The following HMGB1 variants were observed in gnomAD, a reference collection of about 807,000 sequenced individuals.
The protein encoded by HMGB1 is high mobility group box 1.
For synonymous variants in HMGB1, 81 were observed against 84.0 expected (o/e 0.96, Z 0.19); for missense variants, 79 against 253.5 (o/e 0.31, Z 4.67).
At chr13:30,469,124 C>CTA (rs1464469422), upstream of HMGB1, among the ~76,000 whole-genome samples, 46 of 152,220 alleles carry the variant, frequency 3.0e-4, no homozygotes, top group African/African-American at 1.0e-3. Flanking sequence ...CTCCTGACCT[C>CTA]AAGTGATCTG....
In HMGB1 at chr13:30,490,621, G is replaced by GAA. The variant is rs35989221; in HGVS notation, c.-14-26929_-14-26928dup. Among the ~76,000 whole-genome samples the GAA allele has an allele frequency of 3.9e-3, 528 of 135,046 alleles. 1 individual carries two copies. The highest frequency in any genetic ancestry group is 0.013 in the East Asian group (61 of 4,802). The allele number at this position is 135,046 out of a possible 152,430, so 88.6% of individuals were successfully genotyped here. A position where few individuals can be genotyped will look rare whatever the true frequency, so the allele number is the denominator to read the frequency against. ...GCAACAGAGTGAGACTGTCTGAACAGAAAAAAAAAAAAAAAAATTAGGAAT... is the reference window on the plus strand; with the variant it reads ...GCAACAGAGTGAGACTGTCTGAACAGAAAAAAAAAAAAAAAAAAATTAGGAAT... On this transcript the variant is annotated intron_variant, in intron 1 of 4. Coordinates refer to the HMGB1 transcript ENST00000405805.
In HMGB1 at chr13:30,481,249, A is replaced by AT. The variant is rs572437259; in HGVS notation, c.-14-17556dup. Among the ~76,000 whole-genome samples, 884 of 143,390 alleles carry AT rather than the reference A, an allele frequency of 6.2e-3. 3 individuals are homozygous for AT. Among genetic ancestry groups the AT allele is most frequent in the South Asian group, 0.022 (94 of 4,194 alleles). 94.1% of individuals were successfully genotyped at this position (143,390 alleles called of 152,430 possible). On this transcript the variant is annotated intron_variant, in intron 1 of 4. Coordinates refer to the HMGB1 transcript ENST00000405805. ...TGAACTTTCGATCTTTTTCAGAGGG[A>AT]TTTTTTGATGGAGAAAAAAAAAACA...
intron 1 of HMGB1, among the ~76,000 whole-genome samples, chr13:30,563,547 C>G (rs996477548): frequency 1.3e-5 from 2 of 152,154 alleles, no homozygotes; most frequent in African/African-American, 4.8e-5. Context: ...CAGGTTGAGG[C>G]TGCAGCGTGC....
In HMGB1 at chr13:30,474,959, GTTTTT is replaced by G. The variant is rs776923842; in HGVS notation, c.-14-11270_-14-11266del. 6.2e-5 allele frequency among the ~76,000 whole-genome samples: 4 copies of G among 64,028 alleles called. 1 individual carries two copies. Among genetic ancestry groups the G allele is most frequent in the African/African-American group, 7.2e-5 (1 of 13,838 alleles). 42.0% of individuals were successfully genotyped at this position (64,028 alleles called of 152,430 possible). A position where few individuals can be genotyped will look rare whatever the true frequency, so the allele number is the denominator to read the frequency against. ...TCTTTTTTTTTTCTTTTCTTTTTTT[GTTTTT>G]TTTTTTTTTTTTTTTTTGAGACAGG... On this transcript the variant is annotated intron_variant, in intron 1 of 4. Transcript: ENST00000405805.
intron 1 of HMGB1, among the ~76,000 whole-genome samples, chr13:30,555,105 G>A (rs1259673113): frequency 4.8e-5 from 7 of 144,492 alleles, no homozygotes; most frequent in Non-Finnish European, 9.0e-5. Context: ...ACAGTGGCGC[G>A]ATCTCGGCTC....
At chr13:30,604,088 AT>A (rs1260355914) in intron 1 of HMGB1, among the ~76,000 whole-genome samples, 1 of 151,886 alleles carries the variant, frequency 6.6e-6, no homozygotes, top group Non-Finnish European at 1.5e-5. Flanking sequence ...AAGAGGCTGC[AT>A]CCATCTAGTG....
chr13:30,494,693 T>C (rs1401684462), intron 1 of HMGB1, among the ~76,000 whole-genome samples: 1 of 152,120 alleles, frequency 6.6e-6, no homozygotes, highest in Non-Finnish European at 1.5e-5. Flanking sequence ...TTCAATTGCA[T>C]TAAGTAAATT....
chr13:30,554,518 T>C (rs1869589322), intron 1 of HMGB1: 8 of 935,770 alleles, frequency 8.5e-6, no homozygotes, highest in Admixed American at 5.3e-5. Flanking sequence ...AGGTAGATTC[T>C]AGTATACAGA....
chr13:30,478,207 C>T (rs67510666), intron 1 of HMGB1, among the ~76,000 whole-genome samples: 20,151 of 152,170 alleles, frequency 0.13, 1,403 homozygotes, highest in South Asian at 0.25. Context: ...CATGGTGGCT[C>T]ACTCCTGTAT....
chr13:30,465,980 G>A, upstream of HMGB1: 1 of 985,698 alleles, frequency 1.0e-6, no homozygotes, highest in Non-Finnish European at 1.2e-6. Flanking sequence ...GCCAACTCAC[G>A]GGGCTCGCTC....
At chr13:30,489,370 T>C (rs1023410137) in intron 1 of HMGB1, among the ~76,000 whole-genome samples, 1 of 152,142 alleles carries the variant, frequency 6.6e-6, no homozygotes, top group African/African-American at 2.4e-5. Flanking sequence ...TTGAAGGATA[T>C]AAAATTAATT....
intron 1 of HMGB1, among the ~76,000 whole-genome samples, chr13:30,609,435 T>G (rs1051584802): frequency 6.6e-6 from 1 of 152,190 alleles, no homozygotes. Context: ...AGTTGACCCC[T>G]GAACAATGCA....
intron 1 of HMGB1, among the ~76,000 whole-genome samples, chr13:30,484,997 G>A (rs1471541701): frequency 6.6e-6 from 1 of 151,514 alleles, no homozygotes; most frequent in East Asian, 1.9e-4. Context: ...AGCAAAGAGT[G>A]AAGCATTTCA....
At chr13:30,464,665 GGGGCC>G (rs1287387193) in intron 1 of HMGB1, 1 of 982,054 alleles carries the variant, frequency 1.0e-6, no homozygotes, top group Non-Finnish European at 1.2e-6. Flanking sequence ...CGCGGCCGCC[GGGGCC>G]GGCGCGCACG....
intron 1 of HMGB1, among the ~76,000 whole-genome samples, chr13:30,569,175 C>A (rs944839801): frequency 6.6e-6 from 1 of 152,118 alleles, no homozygotes; most frequent in Non-Finnish European, 1.5e-5. Context: ...TCCTAGGACA[C>A]AGCCAAGTCT....
intron 1 of HMGB1, among the ~76,000 whole-genome samples, chr13:30,580,515 C>G (rs1456826946): frequency 6.6e-6 from 1 of 151,922 alleles, no homozygotes; most frequent in Non-Finnish European, 1.5e-5. Flanking sequence ...CACAGGAGAG[C>G]AATTTACCAA....
intron 1 of HMGB1, among the ~76,000 whole-genome samples, chr13:30,524,327 T>C (rs998592145): frequency 1.3e-4 from 14 of 106,424 alleles, no homozygotes; most frequent in African/African-American, 5.2e-4. Context: ...TCCCAGAGCT[T>C]AAAGTATATT....
At chr13:30,538,739 TTTC>T (rs1418901813) in intron 1 of HMGB1, among the ~76,000 whole-genome samples, 17 of 148,404 alleles carry the variant, frequency 1.1e-4, no homozygotes, top group South Asian at 2.1e-4. Flanking sequence ...TTTTTCTTTC[TTTC>T]TTCTTTTTCT....
chr13:30,539,176 C>T (rs944503706), intron 1 of HMGB1, among the ~76,000 whole-genome samples: 5 of 152,192 alleles, frequency 3.3e-5, no homozygotes, highest in East Asian at 1.9e-4. Context: ...GGATTACAGG[C>T]GTAAGCCACT....
Sources: allele counts gnomAD v4.1 joint callset (sites outside exome capture counted in the v4.1 genomes callset), GRCh38; gene constraint gnomAD v4.1.1; transcripts MANE v1.5; gene names NCBI Gene and HGNC (gene_info 2026-07-23, HGNC 2026-07-21).